BMPR1B: variants seen among roughly 807,000 people sequenced by gnomAD.
The protein encoded by BMPR1B is bone morphogenetic protein receptor type 1B.
In BMPR1B, 12 loss-of-function variants were observed where a neutral mutation model predicts 59.1. That is an observed-to-expected ratio of 0.20 (90% CI 0.13 to 0.33). BMPR1B has a LOEUF of 0.33. BMPR1B is among the 10% of genes least tolerant of loss of function. BMPR1B has a pLI of 1.00. For missense variants in BMPR1B, 550 were observed against 610.9 expected, an observed-to-expected ratio of 0.90 and a Z score of 1.05; for synonymous variants, 237 against 207.3, an observed-to-expected ratio of 1.14 and a Z score of -1.23.
At chr4:95,069,963 G>T (rs1728149462) in intron 3 of BMPR1B, among the ~76,000 whole-genome samples, 2 of 152,184 alleles carry the variant, frequency 1.3e-5, no homozygotes, top group South Asian at 4.1e-4. Flanking sequence ...GCCGGGCATG[G>T]TGGCACATGC....
intron 3 of BMPR1B, among the ~76,000 whole-genome samples, chr4:95,000,550 G>C (rs752760229): frequency 5.3e-4 from 81 of 151,886 alleles, no homozygotes; most frequent in South Asian, 1.2e-3. Context: ...AAAGAAAGAA[G>C]TGGAGAAAGT....
intron 1 of BMPR1B, among the ~76,000 whole-genome samples, chr4:94,767,376 T>C (rs957098479): frequency 2.0e-5 from 3 of 152,218 alleles, no homozygotes; most frequent in Non-Finnish European, 4.4e-5. Flanking sequence ...GAATTAATAT[T>C]GAATTTATAT....
At chr4:95,029,288 C>T (rs1158280413) in intron 3 of BMPR1B, among the ~76,000 whole-genome samples, 4 of 143,874 alleles carry the variant, frequency 2.8e-5, no homozygotes, top group Non-Finnish European at 4.5e-5. Context: ...TGATGTTCTC[C>T]TTCCTGTGTC....
chr4:94,848,755 T>C (rs1330071079), intron 1 of BMPR1B, among the ~76,000 whole-genome samples: 2 of 152,122 alleles, frequency 1.3e-5, no homozygotes, highest in Non-Finnish European at 2.9e-5. Context: ...ACTGAAGCGG[T>C]TCCAGGTGGG....
At chr4:95,043,089 G>A (rs1477820939) in intron 3 of BMPR1B, among the ~76,000 whole-genome samples, 3 of 147,208 alleles carry the variant, frequency 2.0e-5, no homozygotes, top group Non-Finnish European at 4.5e-5. Flanking sequence ...GCAGGAGAAT[G>A]GCGTGAACCC....
chr4:95,134,730 ATTTG>A (rs1733641418), intron 10 of BMPR1B, among the ~76,000 whole-genome samples: 1 of 152,122 alleles, frequency 6.6e-6, no homozygotes, highest in East Asian at 1.9e-4. Flanking sequence ...TTTCTTGTAA[ATTTG>A]TTTGAGTTCT....
At chr4:94,958,950 T>C (rs577185922) in intron 2 of BMPR1B, among the ~76,000 whole-genome samples, 2 of 152,018 alleles carry the variant, frequency 1.3e-5, no homozygotes, top group Non-Finnish European at 2.9e-5. Flanking sequence ...ATGATTAAAA[T>C]CTTGATTTGG....
Position 95,156,760 on chromosome 4 carries a change from T to C in BMPR1B, c.*2087T>C, listed in dbSNP as rs1033400219. 1 of 152,138 alleles carries C rather than the reference T, an allele frequency of 6.6e-6. No homozygotes were observed. The highest frequency in any genetic ancestry group is 2.4e-5 in the African/African-American group (1 of 41,448). The allele number at this position is 152,138 out of a possible 1,614,324, so 9.4% of individuals were successfully genotyped here. A position where few individuals can be genotyped will look rare whatever the true frequency, so the allele number is the denominator to read the frequency against. On this transcript the variant is annotated 3_prime_UTR_variant, in exon 13 of 13. Transcript: ENST00000515059. ...ATATTAAAAATAACCTCAATAATAATGTAAAGGTTCCTTTCTCTTGTGTCA... is the reference window on the plus strand; with the variant it reads ...ATATTAAAAATAACCTCAATAATAACGTAAAGGTTCCTTTCTCTTGTGTCA...
intron 1 of BMPR1B, among the ~76,000 whole-genome samples, chr4:94,870,817 A>T (rs1014394193): frequency 6.6e-6 from 1 of 152,110 alleles, no homozygotes; most frequent in African/African-American, 2.4e-5. Context: ...AAAGAAGGGT[A>T]CCCTGCCTCA....
At chr4:95,148,536 C>T (rs1734807431) in intron 10 of BMPR1B, among the ~76,000 whole-genome samples, 1 of 152,054 alleles carries the variant, frequency 6.6e-6, no homozygotes, top group South Asian at 2.1e-4. Flanking sequence ...CAGGCATGCA[C>T]CACAGTATCA....
intron 1 of BMPR1B, among the ~76,000 whole-genome samples, chr4:94,778,807 G>A (rs1368827914): frequency 6.6e-6 from 1 of 151,996 alleles, no homozygotes; most frequent in African/African-American, 2.4e-5. Context: ...TTGTCCATTT[G>A]TTCTTTTCCT....
At chr4:95,042,054 C>T (rs190643318) in intron 3 of BMPR1B, among the ~76,000 whole-genome samples, 1 of 152,202 alleles carries the variant, frequency 6.6e-6, no homozygotes, top group African/African-American at 2.4e-5. Context: ...GACGGGGTTT[C>T]ACTCTGTTAG....
intron 2 of BMPR1B, among the ~76,000 whole-genome samples, chr4:94,912,759 C>A (rs10488912): frequency 6.6e-6 from 1 of 151,962 alleles, no homozygotes; most frequent in African/African-American, 2.4e-5. Flanking sequence ...ACAGGTGATT[C>A]TGGTATGTGC....
chr4:95,123,974 T>G, intron 7 of BMPR1B, 68 bp downstream of exon 7: 1 of 1,132,278 alleles, frequency 8.8e-7, no homozygotes, highest in Non-Finnish European at 1.3e-6. Context: ...ATATTCTGCT[T>G]TTGCCTGTTA....
At chr4:95,046,037 A>G (rs72671283) in intron 3 of BMPR1B, among the ~76,000 whole-genome samples, 8,176 of 152,230 alleles carry the variant, frequency 0.054, 309 homozygotes, top group Middle Eastern at 0.11. Flanking sequence ...AATGAAAATG[A>G]ATTGATTTGA....
chr4:95,095,225 C>T (rs1730279915), intron 3 of BMPR1B, among the ~76,000 whole-genome samples: 1 of 151,670 alleles, frequency 6.6e-6, no homozygotes, highest in South Asian at 2.1e-4. Flanking sequence ...TAAAAATTAG[C>T]GATTAAACTA....
At chr4:95,106,452 G>A (rs763909120) in intron 4 of BMPR1B, among the ~76,000 whole-genome samples, 1 of 152,034 alleles carries the variant, frequency 6.6e-6, no homozygotes, top group Non-Finnish European at 1.5e-5. Flanking sequence ...GGGTGGTGCT[G>A]GTGTAGGAGT....
chr4:94,820,023 A>G (rs1724146654), intron 1 of BMPR1B, among the ~76,000 whole-genome samples: 1 of 152,182 alleles, frequency 6.6e-6, no homozygotes, highest in Non-Finnish European at 1.5e-5. Context: ...ATAATTAGTG[A>G]GTAGCTGAAT....
At chr4:95,015,564 T>G (rs1334337647) in intron 3 of BMPR1B, among the ~76,000 whole-genome samples, 2 of 152,150 alleles carry the variant, frequency 1.3e-5, no homozygotes, top group Non-Finnish European at 2.9e-5. Context: ...TTTTTAATTT[T>G]TTTGTAGAGA....
Sources: allele counts gnomAD v4.1 joint callset (sites outside exome capture counted in the v4.1 genomes callset), GRCh38; gene constraint gnomAD v4.1.1; transcripts MANE v1.5; gene names NCBI Gene and HGNC (gene_info 2026-07-23, HGNC 2026-07-21).